The following VDAC3 variants were observed in gnomAD, a reference collection of about 807,000 sequenced individuals.
VDAC3 encodes the protein non-selective voltage-gated ion channel VDAC3.
A neutral mutation model predicts 33.9 loss-of-function variants in VDAC3; 7 were observed. The observed-to-expected ratio is 0.21, with a 90% CI of 0.12 to 0.39. The LOEUF is 0.39. VDAC3 is among the 10% of genes least tolerant of loss of function. The pLI, the probability that VDAC3 is intolerant of heterozygous loss-of-function variation, is 1.00. For synonymous variants in VDAC3, 100 were observed against 122.4 expected, an observed-to-expected ratio of 0.82 and a Z score of 1.21; for missense variants, 261 against 334.5, an observed-to-expected ratio of 0.78 and a Z score of 1.71.
intron 1 of VDAC3, among the ~76,000 whole-genome samples, chr8:42,392,973 T>C (rs1436236700): frequency 1.3e-5 from 2 of 152,208 alleles, no homozygotes; most frequent in African/African-American, 4.8e-5. Context: ...AATTGTAAAA[T>C]AATCGTTCTG....
chr8:42,398,968 G>A (rs879241441), intron 5 of VDAC3, 104 bp downstream of exon 5: 7 of 1,355,700 alleles, frequency 5.2e-6, no homozygotes, highest in Non-Finnish European at 6.9e-6. Context: ...AACCTATCTA[G>A]TAGCCATATT....
chr8:42,401,626 A>G lies in VDAC3; in HGVS notation c.324-162A>G, dbSNP rs1449710991. 2.0e-5 allele frequency among the ~76,000 whole-genome samples: 3 copies of G among 152,250 alleles called. No homozygotes were observed. In the East Asian group the frequency reaches 5.8e-4, roughly 29 times the overall value. ...CTAATCCTAACAAAATTATATTTGTAGAACTAGGTCATTTGAAATGTTTTT... is the reference window on the plus strand; with the variant it reads ...CTAATCCTAACAAAATTATATTTGTGGAACTAGGTCATTTGAAATGTTTTT... On this transcript the variant is annotated intron_variant, in intron 6 of 9. Coordinates refer to ENST00000022615, the MANE Select transcript of VDAC3 (RefSeq NM_005662.7).
chr8:42,405,065 AT>A, intron 9 of VDAC3, 141 bp downstream of exon 9: 1 of 779,854 alleles, frequency 1.3e-6, no homozygotes. Flanking sequence ...ACAGAAAACA[AT>A]ACAGATCAAA....
intron 4 of VDAC3, among the ~76,000 whole-genome samples, chr8:42,396,397 G>A (rs1236040486): frequency 2.6e-5 from 4 of 152,148 alleles, no homozygotes; most frequent in Admixed American, 2.6e-4. Context: ...ATTTCTGAAT[G>A]TATAATTAGA....
Position 42,394,249 on chromosome 8 carries a change from C to T in VDAC3, c.38C>T (p.Ala13Val). The T allele has an allele frequency of 6.2e-7, 1 of 1,613,566 alleles. No individual in the cohort carries two copies. Among genetic ancestry groups the T allele is most frequent in the African/African-American group, 1.3e-5 (1 of 74,996 alleles). Residue 13 changes from alanine to valine, a missense_variant, in exon 3 of 10, where the codon GCT becomes GTT. Physicochemically the swap from Ala to Val is moderately conservative, Grantham distance 64. Coordinates refer to ENST00000022615, the MANE Select transcript of VDAC3 (RefSeq NM_005662.7). Reference protein sequence around the residue: ...NTPTYCDLGKAAKDVFNKGYG... With the variant: ...NTPTYCDLGKVAKDVFNKGYG... ...CCAACGTACTGTGACCTAGGAAAGGCTGCTAAGGATGTCTTCAACAAAGGA... is the reference window on the plus strand; with the variant it reads ...CCAACGTACTGTGACCTAGGAAAGGTTGCTAAGGATGTCTTCAACAAAGGA...
chr8:42,396,752 A>C (rs1308213847), intron 4 of VDAC3: 1 of 660,054 alleles, frequency 1.5e-6, no homozygotes, highest in African/African-American at 1.8e-5. Context: ...ATTTAGGATA[A>C]ATTTCAATCA....
intron 1 of VDAC3, among the ~76,000 whole-genome samples, chr8:42,392,657 G>T (rs775915832): frequency 6.6e-6 from 1 of 152,182 alleles, no homozygotes; most frequent in African/African-American, 2.4e-5. Flanking sequence ...ATAGTATCTC[G>T]TACTGGTTTT....
At chr8:42,401,462 TG>T (rs1802413920) in intron 6 of VDAC3, among the ~76,000 whole-genome samples, 1 of 152,264 alleles carries the variant, frequency 6.6e-6, no homozygotes, top group South Asian at 2.1e-4. Flanking sequence ...CCCAAAGTGC[TG>T]GGATTACAGG....
chr8:42,393,753 C>G (rs1802251247), intron 1 of VDAC3, 92 bp from the exon 2 acceptor site: 4 of 400,802 alleles, frequency 1.0e-5, no homozygotes, highest in South Asian at 1.2e-4. Context: ...ATTTTAAGAA[C>G]TGAATTTCAG....
chr8:42,394,017 TCAGTA>T, intron 2 of VDAC3, 133 bp downstream of exon 2: 1 of 510,188 alleles, frequency 2.0e-6, no homozygotes. Flanking sequence ...TGTTTTATTC[TCAGTA>T]TTCTGGAAAG....
intron 3 of VDAC3, 103 bp from the exon 4 acceptor site, chr8:42,394,981 C>T (rs1231918440): frequency 1.5e-6 from 2 of 1,317,698 alleles, no homozygotes; most frequent in East Asian, 2.4e-5. Flanking sequence ...ATGCATTTTT[C>T]ATATGGAAGG....
chr8:42,393,188 A>G (rs780200072), intron 1 of VDAC3, among the ~76,000 whole-genome samples: 7 of 152,248 alleles, frequency 4.6e-5, no homozygotes, highest in South Asian at 4.1e-4. Context: ...CATCATATGT[A>G]TATGTTTGGT....
chr8:42,402,183 T>C (rs1203972020), intron 7 of VDAC3, 168 bp downstream of exon 7: 1 of 704,130 alleles, frequency 1.4e-6, no homozygotes. Context: ...GTGCACGTGG[T>C]GTGCAGGCTG....
intron 5 of VDAC3, among the ~76,000 whole-genome samples, chr8:42,399,371 G>C (rs1375559197): frequency 6.6e-6 from 1 of 152,162 alleles, no homozygotes; most frequent in Non-Finnish European, 1.5e-5. Flanking sequence ...AGAGTATCAA[G>C]ATGATTTTGT....
intron 6 of VDAC3, among the ~76,000 whole-genome samples, chr8:42,401,403 G>A (rs756990183): frequency 2.0e-5 from 3 of 152,096 alleles, no homozygotes; most frequent in Non-Finnish European, 4.4e-5. Flanking sequence ...CACCATGTTG[G>A]CCAGGATGGT....
intron 8 of VDAC3, among the ~76,000 whole-genome samples, 186 bp downstream of exon 8, chr8:42,403,647 G>T (rs1802453286): frequency 6.6e-6 from 1 of 152,204 alleles, no homozygotes; most frequent in African/African-American, 2.4e-5. Context: ...AGGCCAAGGT[G>T]CATGAATCAC....
chr8:42,405,513 A>G lies in VDAC3; in HGVS notation c.*51A>G. The G allele has an allele frequency of 6.8e-7, 1 of 1,481,222 alleles. No homozygotes were observed. The highest frequency in any genetic ancestry group is 9.4e-7 in the Non-Finnish European group (1 of 1,068,532). The allele number at this position is 1,481,222 out of a possible 1,614,324, so 91.8% of individuals were successfully genotyped here. A position where few individuals can be genotyped will look rare whatever the true frequency, so the allele number is the denominator to read the frequency against. Reference sequence around the variant, plus strand: ...TGTCCCTGGAAGTGAAGAGAAATGAACCCACTATGTTTTGGCCTTAAAATT... The same window carrying G: ...TGTCCCTGGAAGTGAAGAGAAATGAGCCCACTATGTTTTGGCCTTAAAATT... On this transcript the variant is annotated 3_prime_UTR_variant, in exon 10 of 10. Coordinates refer to ENST00000022615, the MANE Select transcript of VDAC3 (RefSeq NM_005662.7).
At position 42,401,805 on chromosome 8, in the gene VDAC3, T is replaced by C; in HGVS notation, c.341T>C (p.Leu114Ser). ...VPNTGKKSGK[L>S]KASYKRDCFS... ...TATTGCAGAAAGAAGAGTGGGAAAT[T>C]GAAGGCCTCCTATAAACGGGATTGT... Residue 114 changes from leucine to serine, a missense_variant, in exon 7 of 10, where the codon TTG becomes TCG. Transcript: ENST00000022615. The C allele has an allele frequency of 6.2e-7, 1 of 1,614,152 alleles. No homozygotes were observed. The highest frequency in any genetic ancestry group is 8.5e-7 in the Non-Finnish European group (1 of 1,179,992).
At position 42,393,896 on chromosome 8, in the gene VDAC3, A is replaced by G; in HGVS notation, c.-3+12A>G. ...GAGATTTTTCTAAGGTAAATTTTGC[A>G]TATATTTTTAAAAGAAGTCCAGTTT... On this transcript the variant is annotated intron_variant, in intron 2 of 9. Coordinates refer to ENST00000022615, the MANE Select transcript of VDAC3 (RefSeq NM_005662.7). 2 of 429,738 alleles carry G rather than the reference A, an allele frequency of 4.7e-6. No homozygotes were observed. Among genetic ancestry groups the G allele is most frequent in the Non-Finnish European group, 8.2e-6 (2 of 243,186 alleles). The allele number at this position is 429,738 out of a possible 1,614,324, so 26.6% of individuals were successfully genotyped here.
Sources: gnomAD v4.1 joint callset for allele counts (sites outside exome capture counted in the v4.1 genomes callset) on GRCh38, gnomAD v4.1.1 for gene constraint, MANE v1.5 for transcripts, NCBI Gene and HGNC (gene_info 2026-07-23, HGNC 2026-07-21) for gene names.